The following LRMDA variants were observed in gnomAD, a reference collection of about 807,000 sequenced individuals.
LRMDA encodes leucine rich melanocyte differentiation associated.
A neutral mutation model predicts 29.8 loss-of-function variants in LRMDA; 18 were observed. That is an observed-to-expected ratio of 0.60 (90% CI 0.42 to 0.90). LRMDA has a LOEUF of 0.90. LRMDA is among the 40% of genes least tolerant of loss of function. LRMDA has a pLI of 0.00. For synonymous variants in LRMDA, 125 were observed against 109.4 expected (o/e 1.14, Z -0.89); for missense variants, 273 against 273.9 (o/e 1.00, Z 0.02).
At chr10:75,934,653 G>A (rs1846257676) in intron 2 of LRMDA, among the ~76,000 whole-genome samples, 1 of 152,068 alleles carries the variant, frequency 6.6e-6, no homozygotes, top group Non-Finnish European at 1.5e-5. Context: ...TTGGTGCAGG[G>A]GTCTAGGTAC....
intron 2 of LRMDA, among the ~76,000 whole-genome samples, chr10:75,776,924 G>A (rs775993774): frequency 6.6e-6 from 1 of 152,212 alleles, no homozygotes; most frequent in Non-Finnish European, 1.5e-5. Context: ...TTTCAAAGCT[G>A]CAGAGATGAA....
chr10:75,998,579 A>G (rs1201076220), intron 2 of LRMDA, among the ~76,000 whole-genome samples: 1 of 152,246 alleles, frequency 6.6e-6, no homozygotes, highest in Non-Finnish European at 1.5e-5. Context: ...CTTTACACAT[A>G]TTAGCTTATT....
At chr10:76,148,799 A>G (rs1469456174) in intron 5 of LRMDA, among the ~76,000 whole-genome samples, 1 of 152,198 alleles carries the variant, frequency 6.6e-6, no homozygotes, top group Admixed American at 6.5e-5. Flanking sequence ...TCGGAGCTGT[A>G]GATCGGAGGT....
At chr10:76,553,877 TCA>T (rs1006350110) in intron 6 of LRMDA, among the ~76,000 whole-genome samples, 1 of 152,144 alleles carries the variant, frequency 6.6e-6, no homozygotes, top group Non-Finnish European at 1.5e-5. Context: ...GATCTCATTT[TCA>T]ACTGCCAGGC....
At chr10:76,243,389 A>G (rs1043410224) in intron 5 of LRMDA, among the ~76,000 whole-genome samples, 8 of 152,194 alleles carry the variant, frequency 5.3e-5, no homozygotes, top group Non-Finnish European at 1.2e-4. Context: ...TCTTATTTAA[A>G]TATATTGGCC....
rs1221628831 is a variant in LRMDA at position 75,963,309 on chromosome 10, T to C, written c.132-72699T>C. On this transcript the variant is annotated intron_variant, in intron 2 of 6. Transcript: ENST00000611255. ...GAGATCACCAAATACACTTCTTTTC[T>C]AGCCATTTTACCTGTATGAATGTGT... is the stretch of plus-strand genomic sequence containing the variant. 2.0e-5 allele frequency among the ~76,000 whole-genome samples: 3 copies of C among 152,234 alleles called. 1 individual carries two copies. The highest frequency in any genetic ancestry group is 2.0e-4 in the Admixed American group (3 of 15,284).
intron 2 of LRMDA, among the ~76,000 whole-genome samples, chr10:75,585,540 A>T (rs1412179325): frequency 6.6e-6 from 1 of 152,238 alleles, no homozygotes; most frequent in Non-Finnish European, 1.5e-5. Context: ...GTGCATGGTC[A>T]GTGTTAGTAG....
chr10:75,459,804 G>A (rs1045201544), intron 2 of LRMDA, among the ~76,000 whole-genome samples: 3 of 152,130 alleles, frequency 2.0e-5, no homozygotes, highest in Non-Finnish European at 4.4e-5. Context: ...CTACATCATC[G>A]CATGGTGGAA....
At chr10:76,475,930 G>A (rs1842665177) in intron 6 of LRMDA, among the ~76,000 whole-genome samples, 1 of 151,992 alleles carries the variant, frequency 6.6e-6, no homozygotes, top group Non-Finnish European at 1.5e-5. Flanking sequence ...AGCACTAAAT[G>A]CCCACAAGAG....
At position 75,918,907 on chromosome 10, in the gene LRMDA, G is replaced by A. The variant is rs191732943; in HGVS notation, c.132-117101G>A. ...ACTGTGTGTGAAGAAAAAAAAAGAT[G>A]GAGCAGACAGTTCCTCCCACAAATA... On this transcript the variant is annotated intron_variant, in intron 2 of 6. Transcript: ENST00000611255. 4.9e-4 allele frequency among the ~76,000 whole-genome samples: 74 copies of A among 152,276 alleles called. 1 individual carries two copies. In the Middle Eastern group the frequency reaches 0.02, roughly 42 times the overall value.
chr10:75,556,146 A>T (rs539569173), intron 2 of LRMDA, among the ~76,000 whole-genome samples: 1 of 152,296 alleles, frequency 6.6e-6, no homozygotes, highest in African/African-American at 2.4e-5. Context: ...AATGATATAA[A>T]TGTAGAGTCA....
intron 2 of LRMDA, among the ~76,000 whole-genome samples, chr10:75,754,545 A>C (rs540611708): frequency 6.7e-4 from 102 of 152,212 alleles, no homozygotes; most frequent in Non-Finnish European, 1.1e-3. Context: ...GCACGGGGTG[A>C]ACTTTTATAT....
intron 5 of LRMDA, among the ~76,000 whole-genome samples, chr10:76,112,660 A>T (rs907000565): frequency 1.3e-5 from 2 of 151,252 alleles, no homozygotes; most frequent in African/African-American, 4.9e-5. Flanking sequence ...CTTCTGGGCC[A>T]CTAAACCCAT....
At chr10:75,846,490 T>C (rs1844639705) in intron 2 of LRMDA, among the ~76,000 whole-genome samples, 1 of 152,208 alleles carries the variant, frequency 6.6e-6, no homozygotes, top group Non-Finnish European at 1.5e-5. Context: ...CTAACTAATG[T>C]CACTGAAAGG....
intron 2 of LRMDA, among the ~76,000 whole-genome samples, chr10:75,910,374 A>C (rs2132375928): frequency 6.6e-6 from 1 of 152,274 alleles, no homozygotes; most frequent in East Asian, 1.9e-4. Context: ...TTTTCTATTA[A>C]ACAGGTCTTC....
chr10:76,476,549 A>T (rs1842674098), intron 6 of LRMDA, among the ~76,000 whole-genome samples: 1 of 152,166 alleles, frequency 6.6e-6, no homozygotes, highest in South Asian at 2.1e-4. Flanking sequence ...AACTCATTTT[A>T]TGAGGCCAGC....
chr10:75,454,419 C>T (rs939678247), intron 2 of LRMDA, among the ~76,000 whole-genome samples: 6 of 152,140 alleles, frequency 3.9e-5, no homozygotes, highest in African/African-American at 1.2e-4. Context: ...GAGACCTTCC[C>T]GTCTCCTTTA....
intron 6 of LRMDA, among the ~76,000 whole-genome samples, chr10:76,419,546 G>A (rs1002148621): frequency 6.6e-6 from 1 of 152,026 alleles, no homozygotes; most frequent in African/African-American, 2.4e-5. Flanking sequence ...GCAGGTTTTT[G>A]TGTGGATGTA....
chr10:75,949,489 G>A (rs1846536022), intron 2 of LRMDA, among the ~76,000 whole-genome samples: 1 of 152,204 alleles, frequency 6.6e-6, no homozygotes, highest in African/African-American at 2.4e-5. Flanking sequence ...CTGGGATGAT[G>A]ATGGGCTCAC....
Sources: allele counts gnomAD v4.1 joint callset (sites outside exome capture counted in the v4.1 genomes callset), GRCh38; gene constraint gnomAD v4.1.1; transcripts MANE v1.5; gene names NCBI Gene and HGNC (gene_info 2026-07-23, HGNC 2026-07-21).